The following ZNF730 variants were observed in gnomAD, a reference collection of about 807,000 sequenced individuals.
ZNF730 encodes putative zinc finger protein 730.
Under a neutral mutation model 12.6 loss-of-function variants are expected in ZNF730, and 12 were observed. The ratio of observed to expected loss-of-function variants is 0.95; its 90% confidence interval spans 0.61 to 1.54. The LOEUF is 1.54. ZNF730 is among the 40% of genes most tolerant of loss of function. The pLI is 0.00. For synonymous variants in ZNF730, 194 were observed against 195.8 expected, an observed-to-expected ratio of 0.99 and a Z score of 0.08; for missense variants, 643 against 583.5, an observed-to-expected ratio of 1.10 and a Z score of -1.05.
chr19:23,080,597 AT>A (rs1969945530), intron 1 of ZNF730, among the ~76,000 whole-genome samples: 1 of 151,830 alleles, frequency 6.6e-6, no homozygotes, highest in South Asian at 2.1e-4. Context: ...CTGGTCTCAA[AT>A]TCCTGGCCTC....
chr19:23,143,182 TTGCAGTGAGCCGAAATAG>T (rs1970951761), intron 3 of ZNF730, among the ~76,000 whole-genome samples: 1 of 152,102 alleles, frequency 6.6e-6, no homozygotes, highest in South Asian at 2.1e-4. Context: ...GAGGCGGAGC[TTGCAGTGAGCCGAAATAG>T]TGCCACTGCA....
chr19:23,108,191 C>T (rs190168833), intron 1 of ZNF730, among the ~76,000 whole-genome samples: 8 of 152,238 alleles, frequency 5.3e-5, no homozygotes, highest in Admixed American at 1.3e-4. Flanking sequence ...TAATTTACAG[C>T]GGTGGCATTT....
Position 23,145,693 on chromosome 19 carries a change from A to G in ZNF730, c.649A>G (p.Thr217Ala). The change falls in exon 4 of 4, where the codon ACT (threonine) becomes GCT (alanine). Residue 217 changes from threonine to alanine, a missense_variant. Transcript: ENST00000597761. ...GKAFNESSNC[T>A]THKRITEKKP... ...AGCCTTTAATGAGTCCTCAAACTGT[A>G]CTACACATAAAAGAATTACTGAGAA... is the stretch of plus-strand genomic sequence containing the variant. 6.4e-7 allele frequency: 1 copy of G among 1,556,080 alleles called. No homozygotes were observed. Among genetic ancestry groups the G allele is most frequent in the Non-Finnish European group, 8.7e-7 (1 of 1,151,304 alleles).
At chr19:23,121,270 G>A (rs12611318) in intron 1 of ZNF730, among the ~76,000 whole-genome samples, 2 of 152,248 alleles carry the variant, frequency 1.3e-5, no homozygotes, top group East Asian at 3.9e-4. Context: ...TCAGTGATCT[G>A]TCTAATAGTG....
Position 23,117,101 on chromosome 19 carries a change from C to G in ZNF730, c.-73C>G. On this transcript the variant is annotated 5_prime_UTR_variant, in exon 1 of 4. Transcript: ENST00000597761. ...TGTCCTCTGCACGTAGAAGCCCAGC[C>G]TGTGTGGCCCTGCGACCTGCGGGTA... 1 of 1,610,378 alleles carries G rather than the reference C, an allele frequency of 6.2e-7. No individual in the cohort carries two copies. The highest frequency in any genetic ancestry group is 8.5e-7 in the Non-Finnish European group (1 of 1,177,110).
At chr19:23,082,067 T>C (rs1475179835) in intron 1 of ZNF730, among the ~76,000 whole-genome samples, 1 of 152,214 alleles carries the variant, frequency 6.6e-6, no homozygotes, top group Non-Finnish European at 1.5e-5. Flanking sequence ...TTTTGTAATA[T>C]GCAACACTTT....
At chr19:23,131,492 CAAAA>C (rs934502453) in intron 1 of ZNF730, among the ~76,000 whole-genome samples, 1 of 151,910 alleles carries the variant, frequency 6.6e-6, no homozygotes. Context: ...AATACAAAAA[CAAAA>C]AACAAACAAA....
At chr19:23,081,889 G>A (rs2145442402) in intron 1 of ZNF730, among the ~76,000 whole-genome samples, 1 of 152,192 alleles carries the variant, frequency 6.6e-6, no homozygotes, top group Middle Eastern at 3.4e-3. Context: ...AGTAGCTGGG[G>A]CTACAAAAAT....
chr19:23,136,696 G>C (rs1373184827), intron 3 of ZNF730, among the ~76,000 whole-genome samples: 1 of 149,418 alleles, frequency 6.7e-6, no homozygotes. Flanking sequence ...CTATAGTTTT[G>C]AAATATAGTT....
chr19:23,137,412 A>G (rs1970850784), intron 3 of ZNF730, among the ~76,000 whole-genome samples: 1 of 152,146 alleles, frequency 6.6e-6, no homozygotes, highest in African/African-American at 2.4e-5. Context: ...ACCATAACGT[A>G]TAGTTGTATG....
chr19:23,129,661 G>A (rs1970720487), intron 1 of ZNF730, among the ~76,000 whole-genome samples: 1 of 150,112 alleles, frequency 6.7e-6, no homozygotes, highest in South Asian at 2.1e-4. Context: ...TTTCAGATAA[G>A]ACATTGAATT....
chr19:23,107,217 C>T (rs1970402886), intron 1 of ZNF730, among the ~76,000 whole-genome samples: 1 of 151,522 alleles, frequency 6.6e-6, no homozygotes, highest in Admixed American at 6.6e-5. Context: ...TGTGTACCAA[C>T]TCACCTGACT....
intron 1 of ZNF730, among the ~76,000 whole-genome samples, chr19:23,090,639 C>T (rs1255087281): frequency 6.6e-6 from 1 of 152,086 alleles, no homozygotes; most frequent in Non-Finnish European, 1.5e-5. Flanking sequence ...GGGAAAACAT[C>T]TCTAGGCCAT....
intron 1 of ZNF730, among the ~76,000 whole-genome samples, chr19:23,101,514 T>G (rs1970335613): frequency 6.6e-6 from 1 of 152,230 alleles, no homozygotes; most frequent in Non-Finnish European, 1.5e-5. Context: ...ATTCCTGGAC[T>G]TTTCTGCAGG....
chr19:23,136,178 T>C, intron 3 of ZNF730, 135 bp downstream of exon 3: 1 of 651,952 alleles, frequency 1.5e-6, no homozygotes, highest in Non-Finnish European at 2.2e-6. Flanking sequence ...TTATTTATTT[T>C]GCTTTTTATT....
chr19:23,143,252 A>G (rs1288769967), intron 3 of ZNF730, among the ~76,000 whole-genome samples: 2 of 148,432 alleles, frequency 1.3e-5, no homozygotes, highest in Non-Finnish European at 3.0e-5. Flanking sequence ...CTCAAAAAAG[A>G]AAAAAAAAAA....
chr19:23,080,332 G>C (rs151037634), intron 1 of ZNF730, among the ~76,000 whole-genome samples: 246 of 151,874 alleles, frequency 1.6e-3, no homozygotes, highest in African/African-American at 5.8e-3. Context: ...CTTGACTATG[G>C]GATATTTTGA....
Position 23,146,819 on chromosome 19 carries a change from A to G in ZNF730, c.*263A>G, listed in dbSNP as rs890232945. 7 of 871,714 alleles carry G rather than the reference A, an allele frequency of 8.0e-6. No individual in the cohort carries two copies. In the African/African-American group the frequency reaches 8.2e-5, roughly 10 times the overall value. 54.0% of individuals were successfully genotyped at this position (871,714 alleles called of 1,614,324 possible). A position where few individuals can be genotyped will look rare whatever the true frequency, so the allele number is the denominator to read the frequency against. On this transcript the variant is annotated 3_prime_UTR_variant, in exon 4 of 4. Transcript: ENST00000597761. ...GAGAGAAACCCTACAAGTGTGAAGA[A>G]TGTGACAAAGCCTTTAACAAATCCT... is the stretch of plus-strand genomic sequence containing the variant.
chr19:23,077,424 CTTTTTTTTTTTTTTTTTT>C (rs71163442), intron 1 of ZNF730, among the ~76,000 whole-genome samples: 1 of 45,552 alleles, frequency 2.2e-5, no homozygotes, highest in African/African-American at 8.8e-5. Context: ...TCCCTAAGAG[CTTTTTTTTTTTTTTTTTT>C]TTTTTTTTTT....
Sources: gnomAD v4.1 joint callset for allele counts (sites outside exome capture counted in the v4.1 genomes callset) on GRCh38, gnomAD v4.1.1 for gene constraint, MANE v1.5 for transcripts, NCBI Gene and HGNC (gene_info 2026-07-23, HGNC 2026-07-21) for gene names.